The following PRDM9 variants were observed in gnomAD, a reference collection of about 807,000 sequenced individuals.
PRDM9 encodes the protein PR/SET domain 9.
In PRDM9, 47 loss-of-function variants were observed where a neutral mutation model predicts 55.6. That is an observed-to-expected ratio of 0.85 (90% CI 0.67 to 1.08). PRDM9 has a LOEUF of 1.08. Among genes scored for constraint, PRDM9 ranks in the 50% least tolerant of loss-of-function variants. The pLI is 0.00. For missense variants in PRDM9, 867 were observed against 1,040.3 expected (o/e 0.83, Z 2.29); for synonymous variants, 312 against 375.7 (o/e 0.83, Z 1.96).
At chr5:23,517,134 C>A in intron 4 of PRDM9, among the ~76,000 whole-genome samples, 1 of 128,464 alleles carries the variant, frequency 7.8e-6, no homozygotes, top group African/African-American at 3.0e-5. Flanking sequence ...GCCTGGGCGA[C>A]AGAGCGAGAC....
intron 4 of PRDM9, among the ~76,000 whole-genome samples, chr5:23,511,766 A>G (rs1739103929): frequency 6.6e-6 from 1 of 152,204 alleles, no homozygotes; most frequent in African/African-American, 2.4e-5. Context: ...TATCATCACA[A>G]CAAAAGAAGG....
Position 23,509,934 on chromosome 5 carries a change from C to T in PRDM9, c.208C>T (p.Arg70Ter), listed in dbSNP as rs759447836. Residue 70 changes from arginine to a stop codon, truncating the protein, a stop_gained, in exon 4 of 11, where the codon CGA becomes TGA. Coordinates refer to ENST00000296682, the MANE Select transcript of PRDM9 (RefSeq NM_020227.4). LOFTEE classifies it high-confidence loss of function. ...ALITIGLRAT[R>*]PAFMCHRRQA... is the part of the protein sequence containing the mutation. ...CTTCTTTTCAGGTCTCAGAGCCACT[C>T]GACCAGCTTTCATGTGTCACCGAAG... The T allele has an allele frequency of 2.4e-5, 38 of 1,613,878 alleles. No individual in the cohort carries two copies. Among genetic ancestry groups the T allele is most frequent in the Admixed American group, 1.0e-4 (6 of 59,986 alleles).
chr5:23,514,756 C>T (rs1411384134), intron 4 of PRDM9, among the ~76,000 whole-genome samples: 1 of 151,402 alleles, frequency 6.6e-6, no homozygotes, highest in African/African-American at 2.4e-5. Context: ...AGCACTAATG[C>T]CATCCTAAGG....
intron 5 of PRDM9, among the ~76,000 whole-genome samples, chr5:23,520,049 A>G (rs1561019602): frequency 7.7e-5 from 1 of 13,056 alleles, no homozygotes; most frequent in Non-Finnish European, 1.9e-4. Flanking sequence ...CTCTCAAAAA[A>G]ATAAAAAAAA....
At position 23,526,226 on chromosome 5, in the gene PRDM9, C is replaced by T. The variant is rs772583299; in HGVS notation, c.1145-7C>T. On this transcript the variant is annotated splice_region_variant and splice_polypyrimidine_tract_variant and intron_variant, in intron 10 of 10. Transcript: ENST00000296682. ...CATCTACCCTGACCAAAAACTTCCTCTTTCAGAACCAAAGCCAGAGATCCA... is the reference window on the plus strand; with the variant it reads ...CATCTACCCTGACCAAAAACTTCCTTTTTCAGAACCAAAGCCAGAGATCCA... The T allele has an allele frequency of 3.1e-6, 5 of 1,613,954 alleles. No homozygotes were observed. In the Admixed American group the frequency reaches 5.0e-5, roughly 16 times the overall value.
At position 23,526,526 on chromosome 5, in the gene PRDM9, C is replaced by A. The variant is rs1451935921; in HGVS notation, c.1438C>A (p.Pro480Thr). 1 of 1,614,034 alleles carries A rather than the reference C, an allele frequency of 6.2e-7. No homozygotes were observed. The highest frequency in any genetic ancestry group is 8.5e-7 in the Non-Finnish European group (1 of 1,179,992). ...REISRAFSSPPKGQMGSCRVG... is the reference protein window; with the variant it reads ...REISRAFSSPTKGQMGSCRVG... ...GATTTCAAGGGCCTTTTCTAGCCCA[C>A]CCAAAGGACAAATGGGGAGCTGTAG... Residue 480 changes from proline (P) to threonine (T), a missense_variant, in exon 11 of 11, where the codon CCC (proline) becomes ACC (threonine). This residue lies in a region of PRDM9 where 662 missense variants were observed against 711.9 expected (regional missense o/e 0.93). Coordinates refer to ENST00000296682, the MANE Select transcript of PRDM9 (RefSeq NM_020227.4).
rs772564979 is a variant in PRDM9, at chr5:23,526,314, G to A, written c.1226G>A (p.Arg409His). ...AAATTTCTCAGTCAACATGTAGAAC[G>A]CAATCACTCCTCTCAGAACTTCCCA... is the stretch of plus-strand genomic sequence containing the variant. ...SQKFLSQHVE[R>H]NHSSQNFPGP... Residue 409 changes from arginine to histidine, a missense_variant, in exon 11 of 11, where the codon CGC becomes CAC. Arg to His is a conservative substitution (Grantham distance 29, BLOSUM62 0). This residue lies in a region of PRDM9 where 662 missense variants were observed against 711.9 expected (regional missense o/e 0.93). Coordinates refer to ENST00000296682, the MANE Select transcript of PRDM9 (RefSeq NM_020227.4). The A allele has an allele frequency of 5.1e-5, 83 of 1,613,966 alleles. No homozygotes were observed. In the Middle Eastern group the frequency reaches 8.2e-4, roughly 16 times the overall value.
intron 7 of PRDM9, 37 bp from the exon 8 acceptor site, chr5:23,522,577 T>C (rs2126427525): frequency 6.2e-7 from 1 of 1,614,022 alleles, no homozygotes; most frequent in South Asian, 1.1e-5. Flanking sequence ...GGAACATGCA[T>C]TACAACTTTC....
intron 5 of PRDM9, 35 bp from the exon 6 acceptor site, chr5:23,520,988 G>A (rs75883850): frequency 0.045 from 71,707 of 1,610,362 alleles, 1,888 homozygotes; most frequent in Non-Finnish European, 0.054. Flanking sequence ...AAAGAAATTC[G>A]TGTTGTCTTT....
chr5:23,518,531 G>GTGT (rs1276794718), intron 5 of PRDM9, among the ~76,000 whole-genome samples: 2 of 152,166 alleles, frequency 1.3e-5, no homozygotes, highest in Admixed American at 6.5e-5. Flanking sequence ...AGTTCATACT[G>GTGT]TGTTTGGTCC....
intron 4 of PRDM9, among the ~76,000 whole-genome samples, chr5:23,517,193 A>G (rs1415335493): frequency 6.4e-5 from 9 of 140,314 alleles, no homozygotes; most frequent in Non-Finnish European, 1.4e-4. Context: ...CTTTTCTTTT[A>G]TGATCTTTTT....
chr5:23,517,889 C>G lies in PRDM9; in HGVS notation c.310C>G (p.Pro104Ala). ...TTCTCATCACCTTTTAGTCAAACCT[C>G]CTTGGATGGCCTTAAGAGTGGAACA... Reference protein sequence around the residue: ...EWTPRQQVKPPWMALRVEQRK... With the variant: ...EWTPRQQVKPAWMALRVEQRK... Residue 104 changes from proline to alanine, a missense_variant, in exon 5 of 11, where the codon CCT (proline) becomes GCT (alanine). This residue lies in a region of PRDM9 where 662 missense variants were observed against 711.9 expected (regional missense o/e 0.93). Transcript: ENST00000296682. The G allele has an allele frequency of 6.2e-7, 1 of 1,601,144 alleles. No individual in the cohort carries two copies. Among genetic ancestry groups the G allele is most frequent in the Non-Finnish European group, 8.6e-7 (1 of 1,168,208 alleles).
intron 2 of PRDM9, 70 bp from the exon 3 acceptor site, chr5:23,509,400 C>G: frequency 1.9e-6 from 3 of 1,611,504 alleles, no homozygotes; most frequent in Admixed American, 3.3e-5. Context: ...GTCCTACACA[C>G]AGGGTAGAGG....
chr5:23,524,926 A>C lies in PRDM9; in HGVS notation c.1144+399A>C, dbSNP rs143292253. 1.0e-3 allele frequency among the ~76,000 whole-genome samples: 155 copies of C among 152,332 alleles called. 1 individual carries two copies. In the East Asian group the frequency reaches 0.015, roughly 14 times the overall value. ...ATTACCTCAATTAGCTGTCATGTGA[A>C]TTCCTACTCAGTGCCAGACCATGTT... On this transcript the variant is annotated intron_variant, in intron 10 of 10. Transcript: ENST00000296682.
intron 4 of PRDM9, among the ~76,000 whole-genome samples, chr5:23,510,991 A>T (rs1203057450): frequency 5.9e-4 from 75 of 127,236 alleles, no homozygotes; most frequent in Admixed American, 3.7e-3. Context: ...ACTAAAAATT[A>T]AAAAAAAAAA....
intron 1 of PRDM9, among the ~76,000 whole-genome samples, chr5:23,508,301 G>GA (rs1489828833): frequency 7.9e-5 from 12 of 151,806 alleles, no homozygotes; most frequent in Non-Finnish European, 1.5e-4. Flanking sequence ...ATCTCATCCT[G>GA]AAAAAACCAC....
intron 4 of PRDM9, among the ~76,000 whole-genome samples, chr5:23,510,627 GGATGATGATGATGAT>G (rs201050539): frequency 2.8e-5 from 4 of 142,770 alleles, no homozygotes; most frequent in African/African-American, 5.2e-5. Context: ...CAAAGTGCTG[GGATGATGATGATGAT>G]GATGATGATG....
At position 23,521,195 on chromosome 5, in the gene PRDM9, T is replaced by C; in HGVS notation, c.508+16T>C. 6.2e-7 allele frequency: 1 copy of C among 1,612,198 alleles called. No homozygotes were observed. Among genetic ancestry groups the C allele is most frequent in the South Asian group, 1.1e-5 (1 of 90,992 alleles). The stretch of plus-strand genomic sequence containing the variant: ...CTAAAACTGGGTAAGAAAAAATATT[T>C]GCGGGGACTTTAGTCCCTCTATGTC... On this transcript the variant is annotated intron_variant, in intron 6 of 10. Coordinates refer to ENST00000296682, the MANE Select transcript of PRDM9 (RefSeq NM_020227.4).
intron 6 of PRDM9, among the ~76,000 whole-genome samples, 163 bp downstream of exon 6, chr5:23,521,342 T>C (rs1373605558): frequency 6.6e-6 from 1 of 152,138 alleles, no homozygotes; most frequent in African/African-American, 2.4e-5. Context: ...AAATTATTTA[T>C]TTATTTGTTC....
Sources: allele counts gnomAD v4.1 joint callset (sites outside exome capture counted in the v4.1 genomes callset), GRCh38; gene constraint gnomAD v4.1.1; regional missense constraint gnomAD v4.1.1; transcripts MANE v1.5; gene names NCBI Gene and HGNC (gene_info 2026-07-23, HGNC 2026-07-21).